ZMYM2: variants seen among roughly 807,000 people sequenced by gnomAD.
ZMYM2 encodes zinc finger MYM-type protein 2.
A neutral mutation model predicts 162.8 loss-of-function variants in ZMYM2; 56 were observed. The observed-to-expected ratio is 0.34, with a 90% CI of 0.28 to 0.43. The LOEUF is 0.43. ZMYM2 is among the 20% of genes least tolerant of loss of function. The pLI is 1.00. For missense variants in ZMYM2, 1,275 were observed against 1,621.8 expected (o/e 0.79, Z 3.67); for synonymous variants, 510 against 541.6 (o/e 0.94, Z 0.81).
At chr13:20,019,706 C>T (rs1446424274) in intron 7 of ZMYM2, 88 bp downstream of exon 7, 6 of 1,228,626 alleles carry the variant, frequency 4.9e-6, no homozygotes, top group South Asian at 1.4e-5. Context: ...AAAATCTTGT[C>T]CAATTTGAAA....
upstream of ZMYM2, among the ~76,000 whole-genome samples, chr13:19,955,262 T>C (rs1392425598): frequency 1.3e-5 from 2 of 152,116 alleles, no homozygotes; most frequent in Non-Finnish European, 2.9e-5. Flanking sequence ...TTGAGTCAAG[T>C]ATGAATGATA....
chr13:20,014,767 T>TTC (rs1316508125), intron 6 of ZMYM2, among the ~76,000 whole-genome samples: 3 of 146,274 alleles, frequency 2.1e-5, no homozygotes, highest in Non-Finnish European at 4.6e-5. Flanking sequence ...TTTAGGTTTT[T>TTC]TTTTTTTTTT....
At chr13:20,005,353 G>A (rs1950661123) in intron 5 of ZMYM2, 114 bp downstream of exon 5, 1 of 732,426 alleles carries the variant, frequency 1.4e-6, no homozygotes, top group Non-Finnish European at 2.1e-6. Context: ...TATATATAAA[G>A]ACTATCTTAT....
chr13:19,907,784 A>AAAT, the ZMYM2 span, among the ~76,000 whole-genome samples: 1 of 147,348 alleles, frequency 6.8e-6, no homozygotes. Flanking sequence ...AAAAAAAAAA[A>AAAT]GGTAAAGTCT....
chr13:20,025,042 T>G (rs9578251), intron 7 of ZMYM2: 19,057 of 212,462 alleles, frequency 0.09, 1,466 homozygotes, highest in African/African-American at 0.22. Context: ...GTTGATTGTA[T>G]TTTTTTATTT....
chr13:20,066,998 G>C lies in ZMYM2; in HGVS notation c.3280G>C (p.Val1094Leu). 6.2e-7 allele frequency: 1 copy of C among 1,607,742 alleles called. No individual in the cohort carries two copies. The highest frequency in any genetic ancestry group is 8.5e-7 in the Non-Finnish European group (1 of 1,177,772). Residue 1094 changes from valine to leucine, a missense_variant, in exon 20 of 25, where the codon GTA becomes CTA. Val to Leu is a conservative substitution (Grantham distance 32). Coordinates refer to ENST00000610343, the MANE Select transcript of ZMYM2 (RefSeq NM_197968.4). ...TAGGCAACTTGATGAAGATCTTCTG[G>C]TATTAGATGAGTTAAAATCTTGTAA... The part of the protein sequence containing the change: ...KTRQLDEDLL[V>L]LDELKSSKSV...
the ZMYM2 span, among the ~76,000 whole-genome samples, chr13:19,920,890 G>A: frequency 6.6e-6 from 1 of 151,688 alleles, no homozygotes; most frequent in Non-Finnish European, 1.5e-5. Context: ...AGCCTCCCGA[G>A]TAGCTGGGAT....
At chr13:20,043,018 C>T (rs1566377381) in intron 12 of ZMYM2, among the ~76,000 whole-genome samples, 1 of 152,124 alleles carries the variant, frequency 6.6e-6, no homozygotes, top group Non-Finnish European at 1.5e-5. Context: ...ACCACTGTGC[C>T]CAGCCAATTT....
In ZMYM2 at chr13:19,974,818, G is replaced by C. The variant is rs140291602; in HGVS notation, c.-11+14792G>C. Among the ~76,000 whole-genome samples the C allele has an allele frequency of 1.1e-3, 173 of 152,232 alleles. 1 individual carries two copies. The Middle Eastern group carries it at 0.017, about 15-fold the overall frequency. On this transcript the variant is annotated intron_variant, in intron 2 of 24. Transcript: ENST00000610343. Reference sequence around the variant, plus strand: ...ATATCTGTTGGATGGATGCCTAAAAGTGGAATTGCTTGGTCAAAGAAATGT... The same window carrying C: ...ATATCTGTTGGATGGATGCCTAAAACTGGAATTGCTTGGTCAAAGAAATGT...
the ZMYM2 span, among the ~76,000 whole-genome samples, chr13:19,933,614 A>C: frequency 2.0e-5 from 3 of 152,308 alleles, 1 homozygote; most frequent in African/African-American, 4.8e-5. Context: ...GATGCAAAGG[A>C]AGCAAGAGTG....
chr13:19,930,454 A>G, the ZMYM2 span, among the ~76,000 whole-genome samples: 1 of 152,122 alleles, frequency 6.6e-6, no homozygotes, highest in Non-Finnish European at 1.5e-5. Context: ...TTTTAAAATT[A>G]TCTTTACAAT....
chr13:19,908,223 G>T, the ZMYM2 span, among the ~76,000 whole-genome samples: 1 of 152,138 alleles, frequency 6.6e-6, no homozygotes, highest in South Asian at 2.1e-4. Context: ...AGGAAGCGGA[G>T]GTTGCAGTGA....
chr13:19,952,708 G>A, the ZMYM2 span, among the ~76,000 whole-genome samples: 1 of 152,096 alleles, frequency 6.6e-6, no homozygotes, highest in Admixed American at 6.6e-5. Flanking sequence ...AAAATGATAT[G>A]GGGTTGGTTG....
chr13:20,020,294 G>T (rs1281758337), intron 7 of ZMYM2, among the ~76,000 whole-genome samples: 2 of 151,092 alleles, frequency 1.3e-5, no homozygotes, highest in East Asian at 3.9e-4. Flanking sequence ...GAGTGCAACG[G>T]CACCATCTCG....
At chr13:19,937,111 T>A in the ZMYM2 span, among the ~76,000 whole-genome samples, 3 of 152,058 alleles carry the variant, frequency 2.0e-5, no homozygotes, top group Admixed American at 6.6e-5. Flanking sequence ...TTAAAAAAAA[T>A]TTTAAAAATA....
intron 5 of ZMYM2, among the ~76,000 whole-genome samples, chr13:20,006,138 T>G (rs1594311593): frequency 6.6e-6 from 1 of 151,626 alleles, no homozygotes; most frequent in East Asian, 1.9e-4. Flanking sequence ...GAGGCTGAGG[T>G]AGGAGGATTG....
chr13:20,030,877 G>C (rs570064255), intron 9 of ZMYM2, among the ~76,000 whole-genome samples: 1 of 152,208 alleles, frequency 6.6e-6, no homozygotes. Flanking sequence ...GAAAATTATA[G>C]TAGGGATGCA....
the ZMYM2 span, among the ~76,000 whole-genome samples, chr13:19,916,701 G>T: frequency 6.6e-6 from 1 of 150,392 alleles, no homozygotes; most frequent in Non-Finnish European, 1.5e-5. Flanking sequence ...ATCACACACC[G>T]GGGCTTGTCG....
the ZMYM2 span, among the ~76,000 whole-genome samples, chr13:19,903,483 C>CAAAAAAAAAAAAAAAAAAA: frequency 6.0e-5 from 5 of 83,724 alleles, no homozygotes; most frequent in Non-Finnish European, 6.9e-5. Context: ...ACTAAAAATA[C>CAAAAAAAAAAAAAAAAAAA]AAAAAAAAAA....
Sources: allele counts gnomAD v4.1 joint callset (sites outside exome capture counted in the v4.1 genomes callset), GRCh38; gene constraint gnomAD v4.1.1; transcripts MANE v1.5; gene names NCBI Gene and HGNC (gene_info 2026-07-23, HGNC 2026-07-21).